Variants in ZC3H7B observed in about 807,000 individuals in gnomAD.
ZC3H7B encodes the protein zinc finger CCCH-type containing 7B.
In ZC3H7B, 35 loss-of-function variants were observed where a neutral mutation model predicts 116.0. The ratio of observed to expected loss-of-function variants is 0.30; its 90% CI spans 0.23 to 0.40. The LOEUF (loss-of-function observed/expected upper bound fraction) is 0.40, where lower values mean the gene tolerates loss of function less well. ZC3H7B is among the 10% of genes least tolerant of loss of function. The pLI, the probability that ZC3H7B is intolerant of heterozygous loss-of-function variation, is 1.00. For missense variants in ZC3H7B, 1,011 were observed against 1,321.5 expected, an observed-to-expected ratio of 0.77 and a Z score of 3.64; for synonymous variants, 502 against 545.6, an observed-to-expected ratio of 0.92 and a Z score of 1.11.
intron 1 of ZC3H7B, among the ~76,000 whole-genome samples, 180 bp from the exon 2 acceptor site, chr22:41,320,475 C>T (rs2036240788): frequency 6.6e-6 from 1 of 151,904 alleles, no homozygotes; most frequent in South Asian, 2.1e-4. Flanking sequence ...TCCAGGGGGC[C>T]ATGGGGGTGG....
chr22:41,318,626 G>A (rs1569232380), intron 1 of ZC3H7B, among the ~76,000 whole-genome samples: 3 of 151,878 alleles, frequency 2.0e-5, no homozygotes, highest in African/African-American at 7.3e-5. Flanking sequence ...GCGCGCGCCT[G>A]TGATCTCAGC....
chr22:41,304,551 GAGA>G (rs2036016061), intron 1 of ZC3H7B, among the ~76,000 whole-genome samples: 2 of 152,278 alleles, frequency 1.3e-5, no homozygotes, highest in South Asian at 4.2e-4. Context: ...GTGAACCAAT[GAGA>G]ACACAAGAAT....
At chr22:41,310,470 C>T (rs1481001465) in intron 1 of ZC3H7B, among the ~76,000 whole-genome samples, 1 of 152,090 alleles carries the variant, frequency 6.6e-6, no homozygotes, top group East Asian at 1.9e-4. Flanking sequence ...GCCTAGCCTG[C>T]CTCCCTGTCA....
chr22:41,314,490 G>A (rs568980701), intron 1 of ZC3H7B, among the ~76,000 whole-genome samples: 1 of 152,128 alleles, frequency 6.6e-6, no homozygotes, highest in Admixed American at 6.6e-5. Flanking sequence ...GTCTCACTGT[G>A]TTGCCCAGGC....
intron 2 of ZC3H7B, among the ~76,000 whole-genome samples, chr22:41,321,055 C>T (rs999168050): frequency 1.3e-5 from 2 of 152,082 alleles, no homozygotes; most frequent in African/African-American, 4.8e-5. Flanking sequence ...TCTCAGTCTC[C>T]GTGCTGGGAC....
intron 6 of ZC3H7B, 69 bp downstream of exon 6, chr22:41,330,172 C>T: frequency 6.4e-7 from 1 of 1,555,710 alleles, no homozygotes; most frequent in Non-Finnish European, 8.8e-7. Flanking sequence ...GGACCAGGCT[C>T]CGTGGGGAAG....
At chr22:41,310,097 C>T (rs551994904) in intron 1 of ZC3H7B, among the ~76,000 whole-genome samples, 9 of 151,914 alleles carry the variant, frequency 5.9e-5, no homozygotes, top group Non-Finnish European at 1.0e-4. Context: ...CCCAGCTACT[C>T]GGGAGGCTGA....
At position 41,357,565 on chromosome 22, in the gene ZC3H7B, T is replaced by C. The variant is rs55897023; in HGVS notation, c.*136T>C. On this transcript the variant is annotated 3_prime_UTR_variant, in exon 23 of 23. Transcript: ENST00000352645. The surrounding 1 kb of genome is among the most constrained non-coding windows in gnomAD (Gnocchi z 5.4). ...GGCAGCCCCCAGCCCCCTGAGGCCC[T>C]GTCCATCTTCTCCCCACCACCGCCC... 1,059,843 of 1,059,910 alleles carry C rather than the reference T, an allele frequency of 1. 529,888 individuals carry two copies. Among genetic ancestry groups the C allele is most frequent in the Middle Eastern group, 1 (3,014 of 3,014 alleles). The allele number at this position is 1,059,910 out of a possible 1,614,324, so 65.7% of individuals were successfully genotyped here.
chr22:41,345,985 C>T lies in ZC3H7B; in HGVS notation c.1460-18C>T. ...TATCCCCGCCTGGCGGAACGTGTGT[C>T]CTGTTGCCTCTTTGCAGACATGATT... On this transcript the variant is annotated intron_variant, in intron 13 of 22. Coordinates refer to ENST00000352645, the MANE Select transcript of ZC3H7B (RefSeq NM_017590.6). 6.2e-7 allele frequency: 1 copy of T among 1,613,768 alleles called. No individual in the cohort carries two copies. Among genetic ancestry groups the T allele is most frequent in the Non-Finnish European group, 8.5e-7 (1 of 1,179,858 alleles).
chr22:41,324,647 GT>G (rs1388697068), intron 2 of ZC3H7B, among the ~76,000 whole-genome samples: 1 of 152,204 alleles, frequency 6.6e-6, no homozygotes, highest in East Asian at 1.9e-4. Context: ...GAGGGAGCAG[GT>G]GCCCAGACCC....
chr22:41,341,257 C>A, intron 11 of ZC3H7B, 111 bp downstream of exon 11: 1 of 1,290,902 alleles, frequency 7.7e-7, no homozygotes, highest in Non-Finnish European at 1.1e-6. Context: ...TTCCCCACGG[C>A]GGGGCACTCC....
Position 41,357,115 on chromosome 22 carries a change from G to T in ZC3H7B, c.2682-62G>T. Reference sequence around the variant, plus strand: ...CGGGGAGGTCAAGCGGCCGGCCCCAGATGGACAGCCTGGGGTGGGAAGGGC... The same window carrying T: ...CGGGGAGGTCAAGCGGCCGGCCCCATATGGACAGCCTGGGGTGGGAAGGGC... On this transcript the variant is annotated intron_variant, in intron 22 of 22. Coordinates refer to ENST00000352645, the MANE Select transcript of ZC3H7B (RefSeq NM_017590.6). The surrounding 1 kb of genome is among the most constrained non-coding windows in gnomAD (Gnocchi z 5.4). 2 of 1,588,964 alleles carry T rather than the reference G, an allele frequency of 1.3e-6. No homozygotes were observed. The highest frequency in any genetic ancestry group is 1.7e-6 in the Non-Finnish European group (2 of 1,169,606).
chr22:41,322,811 T>G (rs1446422704), intron 2 of ZC3H7B, among the ~76,000 whole-genome samples: 2 of 152,188 alleles, frequency 1.3e-5, no homozygotes, highest in East Asian at 3.8e-4. Context: ...CCTTTTCTTT[T>G]CTTTGTGATG....
At position 41,358,210 on chromosome 22, in the gene ZC3H7B, CAG is replaced by C. The variant is rs1246753470; in HGVS notation, c.*782_*783del. On this transcript the variant is annotated 3_prime_UTR_variant, in exon 23 of 23. Transcript: ENST00000352645. Reference sequence around the variant, plus strand: ...GCACAAGGCAGAGCTGGGATGAAAACAGGGCTGAAAAGACTCAGGGCCAATTA... The same window carrying C: ...GCACAAGGCAGAGCTGGGATGAAAACGGCTGAAAAGACTCAGGGCCAATTA... 3 of 152,146 alleles carry C rather than the reference CAG, an allele frequency of 2.0e-5. No individual in the cohort carries two copies. Among genetic ancestry groups the C allele is most frequent in the Non-Finnish European group, 4.4e-5 (3 of 68,062 alleles). The allele number at this position is 152,146 out of a possible 1,614,324, so 9.4% of individuals were successfully genotyped here.
intron 9 of ZC3H7B, 80 bp from the exon 10 acceptor site, chr22:41,339,736 T>A (rs2145928846): frequency 7.2e-7 from 1 of 1,391,544 alleles, no homozygotes; most frequent in East Asian, 2.3e-5. Context: ...CAGGTCTCCT[T>A]GCTTCCCCAA....
At chr22:41,304,954 A>G (rs1051673256) in intron 1 of ZC3H7B, among the ~76,000 whole-genome samples, 1 of 152,144 alleles carries the variant, frequency 6.6e-6, no homozygotes, top group African/African-American at 2.4e-5. Flanking sequence ...GGACTGTCCT[A>G]TAATCCCAGC....
rs112286425 is a variant in ZC3H7B, at chr22:41,357,972, C to T, written c.*543C>T. ...CCCTCTGGGGCCTCAGCTTTCCCTC[C>T]GGAAGGCTGGGAGGAGGTGGGCTAG... On this transcript the variant is annotated 3_prime_UTR_variant, in exon 23 of 23. Transcript: ENST00000352645. This position sits in a 1 kb window ranked among gnomAD's most constrained non-coding sequence, Gnocchi z 5.4. 336 of 157,732 alleles carry T rather than the reference C, an allele frequency of 2.1e-3. No homozygotes were observed. Among genetic ancestry groups the T allele is most frequent in the Middle Eastern group, 3.4e-3 (1 of 298 alleles). The allele number at this position is 157,732 out of a possible 1,614,324, so 9.8% of individuals were successfully genotyped here. A position where few individuals can be genotyped will look rare whatever the true frequency, so the allele number is the denominator to read the frequency against.
intron 2 of ZC3H7B, among the ~76,000 whole-genome samples, chr22:41,323,017 G>A (rs112328222): frequency 1.4e-4 from 21 of 152,308 alleles, no homozygotes; most frequent in Admixed American, 3.3e-4. Context: ...CTCACAGAGC[G>A]AGTGTTCATA....
At position 41,309,484 on chromosome 22, in the gene ZC3H7B, T is replaced by C. The variant is rs560793362; in HGVS notation, c.-7+7712T>C. On this transcript the variant is annotated intron_variant, in intron 1 of 22. Transcript: ENST00000352645. ...GCCCACCACTAGGCCCGGCCTAATT[T>C]TTGTATTTTTATTAGAGATGGGGTT... is the stretch of plus-strand genomic sequence containing the variant. 1.5e-3 allele frequency among the ~76,000 whole-genome samples: 221 copies of C among 151,900 alleles called. 4 individuals carry two copies. The South Asian group carries it at 0.045, about 31-fold the overall frequency.
Sources: allele counts gnomAD v4.1 joint callset (sites outside exome capture counted in the v4.1 genomes callset), GRCh38; gene constraint gnomAD v4.1.1; non-coding constraint Gnocchi (gnomAD v3.1); transcripts MANE v1.5; gene names NCBI Gene and HGNC (gene_info 2026-07-23, HGNC 2026-07-21).